Variants in UVRAG observed in about 807,000 individuals in gnomAD.
UVRAG encodes UV radiation resistance-associated gene protein.
Under a neutral mutation model 78.0 loss-of-function variants are expected in UVRAG, and 19 were observed. The ratio of observed to expected loss-of-function variants is 0.24; its 90% CI spans 0.17 to 0.36. The LOEUF is 0.36. Among genes scored for constraint, UVRAG ranks in the 10% least tolerant of loss-of-function variants. The pLI, the probability that UVRAG is intolerant of heterozygous loss-of-function variation, is 1.00. For missense variants in UVRAG, 740 were observed against 853.8 expected, an observed-to-expected ratio of 0.87 and a Z score of 1.66; for synonymous variants, 323 against 324.6, an observed-to-expected ratio of 1.00 and a Z score of 0.05.
At chr11:76,137,302 A>G (rs11820084) in intron 14 of UVRAG, 19,203 of 455,242 alleles carry the variant, frequency 0.042, 775 homozygotes, top group African/African-American at 0.15. Context: ...CGAAGAACCC[A>G]CGCCAGGCTT....
At chr11:75,830,509 G>T (rs1945631603) in intron 1 of UVRAG, among the ~76,000 whole-genome samples, 1 of 152,008 alleles carries the variant, frequency 6.6e-6, no homozygotes, top group East Asian at 1.9e-4. Flanking sequence ...CTGACCTTGT[G>T]ATCCACCCGC....
At chr11:75,984,744 A>G (rs796643477) in intron 8 of UVRAG, among the ~76,000 whole-genome samples, 7 of 152,312 alleles carry the variant, frequency 4.6e-5, no homozygotes, top group African/African-American at 1.2e-4. Context: ...ATAGAATCAT[A>G]TATGTACATG....
At chr11:75,857,962 A>G (rs1020314154) in intron 2 of UVRAG, among the ~76,000 whole-genome samples, 6 of 151,656 alleles carry the variant, frequency 4.0e-5, no homozygotes, top group Non-Finnish European at 8.8e-5. Flanking sequence ...TTGACATACT[A>G]TATGTTTAAT....
At chr11:76,116,046 C>G in intron 14 of UVRAG, 31 bp downstream of exon 14, 1 of 1,592,898 alleles carries the variant, frequency 6.3e-7, no homozygotes. Context: ...TAACCAGAAA[C>G]TGTAATGTGG....
At chr11:76,130,935 G>GT (rs113202978) in intron 14 of UVRAG, among the ~76,000 whole-genome samples, 2,411 of 141,926 alleles carry the variant, frequency 0.017, 40 homozygotes, top group South Asian at 0.072. Context: ...GGGTTTTTTT[G>GT]TTTTTTTTTT....
At chr11:76,061,588 A>G (rs1360813178) in intron 12 of UVRAG, among the ~76,000 whole-genome samples, 1 of 151,786 alleles carries the variant, frequency 6.6e-6, no homozygotes, top group Non-Finnish European at 1.5e-5. Context: ...GGAGGAACGA[A>G]CAACTCCAGA....
intron 3 of UVRAG, among the ~76,000 whole-genome samples, chr11:75,866,375 A>AT (rs1412068386): frequency 7.1e-6 from 1 of 139,892 alleles, no homozygotes; most frequent in Non-Finnish European, 1.5e-5. Flanking sequence ...AAATAAATAA[A>AT]TAAATAAAAT....
chr11:76,103,513 A>C (rs1591241447), intron 13 of UVRAG, among the ~76,000 whole-genome samples: 1 of 150,510 alleles, frequency 6.6e-6, no homozygotes, highest in South Asian at 2.1e-4. Context: ...AACAGTGTGC[A>C]CTTGAAAGGT....
At chr11:75,943,927 A>C (rs1400286833) in intron 6 of UVRAG, among the ~76,000 whole-genome samples, 1 of 152,148 alleles carries the variant, frequency 6.6e-6, no homozygotes, top group East Asian at 1.9e-4. Context: ...ATCATATTTA[A>C]TAAATCCATC....
chr11:76,039,084 G>A (rs1950593858), intron 12 of UVRAG, among the ~76,000 whole-genome samples: 1 of 152,208 alleles, frequency 6.6e-6, no homozygotes, highest in Non-Finnish European at 1.5e-5. Context: ...ATTTTTTAAA[G>A]CAGTCATAGA....
chr11:76,074,732 T>G (rs141906651), intron 13 of UVRAG, among the ~76,000 whole-genome samples: 1 of 152,342 alleles, frequency 6.6e-6, no homozygotes, highest in East Asian at 1.9e-4. Flanking sequence ...TATTTGTTTT[T>G]CTTTTTAATT....
At position 76,006,639 on chromosome 11, in the gene UVRAG, T is replaced by A. The variant is rs1355302211; in HGVS notation, c.912-895T>A. Reference sequence around the variant, plus strand: ...TTGTGCCACTGTACTCCAGCCTGAGTGTTAAAGTGAGACCCCGTCTCAAAA... The same window carrying A: ...TTGTGCCACTGTACTCCAGCCTGAGAGTTAAAGTGAGACCCCGTCTCAAAA... On this transcript the variant is annotated intron_variant, in intron 9 of 14. Coordinates refer to ENST00000356136, the MANE Select transcript of UVRAG (RefSeq NM_003369.4). Among the ~76,000 whole-genome samples the A allele has an allele frequency of 2.5e-5, 3 of 122,388 alleles. No homozygotes were observed. The East Asian group carries it at 6.9e-4, about 28-fold the overall frequency. 80.3% of individuals were successfully genotyped at this position (122,388 alleles called of 152,430 possible).
chr11:76,057,841 G>C (rs1951011338), intron 12 of UVRAG, among the ~76,000 whole-genome samples: 1 of 151,972 alleles, frequency 6.6e-6, no homozygotes. Flanking sequence ...TCCCTTACTC[G>C]ATCATGGGGG....
At chr11:75,900,489 A>G (rs1236499531) in intron 5 of UVRAG, among the ~76,000 whole-genome samples, 1 of 151,872 alleles carries the variant, frequency 6.6e-6, no homozygotes, top group African/African-American at 2.4e-5. Flanking sequence ...CTTTCTTCCT[A>G]TTAGGGTGTA....
rs1404571032 is a variant in UVRAG, at chr11:76,016,686, TTTAGA to T, written c.1061-127_1061-123del. ...TTACATTTGCATAAAATTTATATAA[TTTAGA>T]TAAGTGGTTAATATTTTATGTACCA... On this transcript the variant is annotated intron_variant, in intron 11 of 14. Transcript: ENST00000356136. 3.6e-6 allele frequency: 3 copies of T among 822,220 alleles called. No individual in the cohort carries two copies. In the African/African-American group the frequency reaches 5.3e-5, roughly 14 times the overall value. 50.9% of individuals were successfully genotyped at this position (822,220 alleles called of 1,614,324 possible). A position where few individuals can be genotyped will look rare whatever the true frequency, so the allele number is the denominator to read the frequency against.
chr11:75,889,137 T>C (rs574356492), intron 5 of UVRAG, among the ~76,000 whole-genome samples: 11 of 152,370 alleles, frequency 7.2e-5, no homozygotes, highest in Admixed American at 6.5e-4. Flanking sequence ...ACAGGAAATC[T>C]GGAGCTAGCT....
intron 12 of UVRAG, 108 bp from the exon 13 acceptor site, chr11:76,065,602 A>G: frequency 1.1e-6 from 1 of 886,960 alleles, no homozygotes; most frequent in Non-Finnish European, 1.8e-6. Flanking sequence ...GACTTAGTCC[A>G]ATTCAGATGT....
chr11:76,016,805 G>C lies in UVRAG; in HGVS notation c.1061-10G>C, dbSNP rs200023456. The C allele has an allele frequency of 6.3e-7, 1 of 1,576,826 alleles. No homozygotes were observed. Among genetic ancestry groups the C allele is most frequent in the Non-Finnish European group, 8.6e-7 (1 of 1,160,742 alleles). On this transcript the variant is annotated splice_polypyrimidine_tract_variant and intron_variant, in intron 11 of 14. Coordinates refer to ENST00000356136, the MANE Select transcript of UVRAG (RefSeq NM_003369.4). ...AGTTATTTTCTTTTCCTCTGCTTTTGAATTTACAGCAAAAGATGATGGAAG... is the reference window on the plus strand; with the variant it reads ...AGTTATTTTCTTTTCCTCTGCTTTTCAATTTACAGCAAAAGATGATGGAAG...
intron 7 of UVRAG, among the ~76,000 whole-genome samples, chr11:75,968,368 A>G (rs541975715): frequency 1.3e-5 from 2 of 152,326 alleles, no homozygotes; most frequent in East Asian, 3.9e-4. Flanking sequence ...TAAATAGAAC[A>G]CTGAAACTCA....
Sources: allele counts gnomAD v4.1 joint callset (sites outside exome capture counted in the v4.1 genomes callset), GRCh38; gene constraint gnomAD v4.1.1; transcripts MANE v1.5; gene names NCBI Gene and HGNC (gene_info 2026-07-23, HGNC 2026-07-21).